CNNM2: variants seen among roughly 807,000 people sequenced by gnomAD.
CNNM2 encodes the protein metal transporter CNNM2.
Under a neutral mutation model 66.9 loss-of-function variants are expected in CNNM2, and 12 were observed. The observed-to-expected ratio is 0.18, with a 90% confidence interval of 0.11 to 0.29. CNNM2 has a LOEUF of 0.29. Ranked by LOEUF, CNNM2 falls within the 10% of genes least tolerant of loss-of-function variation. The probability of loss-of-function intolerance (pLI) is 1.00; values close to 1 mark genes in which losing one functional copy is unlikely to be tolerated. For synonymous variants in CNNM2, 557 were observed against 501.8 expected (o/e 1.11, Z -1.47); for missense variants, 705 against 1,167.7 (o/e 0.60, Z 5.77).
At chr10:102,942,200 T>C (rs779216220) in intron 1 of CNNM2, among the ~76,000 whole-genome samples, 1 of 152,228 alleles carries the variant, frequency 6.6e-6, no homozygotes, top group South Asian at 2.1e-4. Context: ...AAAATTACCA[T>C]TTTAACCATC....
chr10:103,069,760 C>A (rs751757111), intron 5 of CNNM2, among the ~76,000 whole-genome samples: 4 of 152,166 alleles, frequency 2.6e-5, no homozygotes, highest in Non-Finnish European at 5.9e-5. Flanking sequence ...TGAGGCAGCC[C>A]GAACAGGTCG....
chr10:102,920,150 C>T (rs772198222), intron 1 of CNNM2, 49 bp downstream of exon 1: 1 of 1,613,748 alleles, frequency 6.2e-7, no homozygotes, highest in Non-Finnish European at 8.5e-7. Context: ...TCTCTCCATC[C>T]TCCTCCCTAC....
At chr10:102,937,891 T>G (rs1439142541) in intron 1 of CNNM2, among the ~76,000 whole-genome samples, 1 of 151,674 alleles carries the variant, frequency 6.6e-6, no homozygotes, top group African/African-American at 2.4e-5. Context: ...TCCCAAAGTG[T>G]TGGGAGTATA....
intron 1 of CNNM2, among the ~76,000 whole-genome samples, chr10:103,045,313 G>T (rs989008630): frequency 2.0e-5 from 3 of 152,150 alleles, no homozygotes; most frequent in Non-Finnish European, 4.4e-5. Context: ...TGCTAGGGAT[G>T]AAGATTGTAG....
At chr10:102,986,797 G>T (rs189136961) in intron 1 of CNNM2, among the ~76,000 whole-genome samples, 3 of 114,506 alleles carry the variant, frequency 2.6e-5, no homozygotes, top group African/African-American at 6.5e-5. Context: ...AAAAAAAAAA[G>T]TTTTTATCCT....
rs2066227428 is a variant in CNNM2, at chr10:103,089,826, G to C, written c.*12646G>C. The C allele has an allele frequency of 6.2e-7, 1 of 1,613,992 alleles. No individual in the cohort carries two copies. The highest frequency in any genetic ancestry group is 8.5e-7 in the Non-Finnish European group (1 of 1,180,022). On this transcript the variant is annotated 3_prime_UTR_variant, in exon 8 of 8. Transcript: ENST00000369878. ...GTAGTCAGTGTCTTTGAAATCCACT[G>C]ATGTGCGGTTCCGGGTGGCAAGAGG...
At chr10:102,920,176 T>G in intron 1 of CNNM2, 75 bp downstream of exon 1, 1 of 1,612,602 alleles carries the variant, frequency 6.2e-7, no homozygotes, top group South Asian at 1.1e-5. Flanking sequence ...TCCTCTACCC[T>G]CAGACCAACC....
intron 1 of CNNM2, among the ~76,000 whole-genome samples, chr10:102,975,491 A>G (rs2063615447): frequency 6.7e-6 from 1 of 148,878 alleles, no homozygotes; most frequent in South Asian, 2.1e-4. Context: ...AAAAAAAACA[A>G]ACCTCCACAG....
chr10:103,087,258 T>C lies in CNNM2; in HGVS notation c.*10078T>C, dbSNP rs558147587. 2.0e-5 allele frequency: 3 copies of C among 148,812 alleles called. No homozygotes were observed. In the East Asian group the frequency reaches 6.2e-4, roughly 31 times the overall value. The allele number at this position is 148,812 out of a possible 1,614,324, so 9.2% of individuals were successfully genotyped here. ...TCATAATTTGTTTTAAAAAGCCCAG[T>C]TACAGCTGCCCTGCCTACCCATGGA... On this transcript the variant is annotated 3_prime_UTR_variant, in exon 8 of 8. Transcript: ENST00000369878.
At chr10:102,964,166 G>A (rs1452100269) in intron 1 of CNNM2, among the ~76,000 whole-genome samples, 2 of 152,042 alleles carry the variant, frequency 1.3e-5, no homozygotes, top group African/African-American at 4.8e-5. Flanking sequence ...GTAATTTTAT[G>A]CATAACATAA....
intron 1 of CNNM2, among the ~76,000 whole-genome samples, chr10:102,946,466 T>G (rs2134185721): frequency 6.6e-6 from 1 of 152,308 alleles, no homozygotes; most frequent in Middle Eastern, 3.4e-3. Context: ...TGATACTAAT[T>G]GAACTTGTAT....
At chr10:102,965,623 T>A (rs2063451286) in intron 1 of CNNM2, among the ~76,000 whole-genome samples, 1 of 152,244 alleles carries the variant, frequency 6.6e-6, no homozygotes, top group African/African-American at 2.4e-5. Flanking sequence ...CTTGTTTTTC[T>A]AAAGTCTTGA....
chr10:103,048,824 T>G (rs2065171459), intron 1 of CNNM2, among the ~76,000 whole-genome samples: 1 of 152,100 alleles, frequency 6.6e-6, no homozygotes, highest in Non-Finnish European at 1.5e-5. Context: ...TGTACTCAGG[T>G]CAGGATTTAA....
At position 102,981,348 on chromosome 10, in the gene CNNM2, C is replaced by CA. The variant is rs758995622; in HGVS notation, c.1621+61256dup. 2.5e-4 allele frequency among the ~76,000 whole-genome samples: 38 copies of CA among 150,526 alleles called. No homozygotes were observed. The highest frequency in any genetic ancestry group is 5.8e-4 in the East Asian group (3 of 5,138). ...TTGGGTGACAGAGCGAGACCAGTCTCAAAAAAAAACCCCAAAACAAATAAT... is the reference window on the plus strand; with the variant it reads ...TTGGGTGACAGAGCGAGACCAGTCTCAAAAAAAAAACCCCAAAACAAATAAT... On this transcript the variant is annotated intron_variant, in intron 1 of 7. Coordinates refer to ENST00000369878, the MANE Select transcript of CNNM2 (RefSeq NM_017649.5).
intron 1 of CNNM2, among the ~76,000 whole-genome samples, chr10:103,002,845 A>G (rs1199970781): frequency 6.6e-6 from 1 of 152,160 alleles, no homozygotes; most frequent in African/African-American, 2.4e-5. Flanking sequence ...ATAGTTTGGC[A>G]GTTACTCCAA....
chr10:103,018,627 T>C (rs1209301379), intron 1 of CNNM2, among the ~76,000 whole-genome samples: 1 of 150,982 alleles, frequency 6.6e-6, no homozygotes, highest in African/African-American at 2.4e-5. Context: ...TGAGGTGGAA[T>C]CTCCACTAAG....
chr10:103,074,061 G>A (rs1352544491), intron 6 of CNNM2, among the ~76,000 whole-genome samples: 2 of 151,362 alleles, frequency 1.3e-5, no homozygotes, highest in Admixed American at 6.6e-5. Context: ...GCCAAGGCAG[G>A]TGGATCACCT....
Position 102,937,727 on chromosome 10 carries a change from C to A in CNNM2, c.1621+17626C>A, listed in dbSNP as rs563991104. On this transcript the variant is annotated intron_variant, in intron 1 of 7. Coordinates refer to ENST00000369878, the MANE Select transcript of CNNM2 (RefSeq NM_017649.5). ...ATTATACTCCTAAAACGTACATATT[C>A]TCAGACAGATAAACAGATGTGATTT... 1.1e-4 allele frequency among the ~76,000 whole-genome samples: 16 copies of A among 152,206 alleles called. No homozygotes were observed. The South Asian group carries it at 3.3e-3, about 32-fold the overall frequency.
intron 1 of CNNM2, among the ~76,000 whole-genome samples, chr10:102,994,363 G>A (rs979949164): frequency 6.6e-6 from 1 of 152,176 alleles, no homozygotes; most frequent in Non-Finnish European, 1.5e-5. Flanking sequence ...TTGCCGGAAG[G>A]GCTGAAGAAA....
Sources: allele counts gnomAD v4.1 joint callset (sites outside exome capture counted in the v4.1 genomes callset), GRCh38; gene constraint gnomAD v4.1.1; transcripts MANE v1.5; gene names NCBI Gene and HGNC (gene_info 2026-07-23, HGNC 2026-07-21).